Variants in CFAP100 observed in about 807,000 individuals in gnomAD.
The protein encoded by CFAP100 is cilia- and flagella-associated protein 100.
A neutral mutation model predicts 81.5 loss-of-function variants in CFAP100; 70 were observed. The ratio of observed to expected loss-of-function variants is 0.86; its 90% CI spans 0.71 to 1.05. The LOEUF is 1.05. CFAP100 is among the 50% of genes least tolerant of loss of function. The probability of loss-of-function intolerance (pLI) is 0.00; values close to 1 mark genes in which losing one functional copy is unlikely to be tolerated. For missense variants in CFAP100, 811 were observed against 776.5 expected (o/e 1.04, Z -0.53); for synonymous variants, 341 against 314.8 (o/e 1.08, Z -0.88).
chr3:126,426,014 T>C (rs2083398064), intron 13 of CFAP100, among the ~76,000 whole-genome samples: 1 of 151,770 alleles, frequency 6.6e-6, no homozygotes, highest in African/African-American at 2.4e-5. Context: ...GGCAAAGAGG[T>C]CTTCTCTCAC....
At chr3:126,436,221 C>A in intron 16 of CFAP100, 70 bp from the exon 17 acceptor site, 2 of 1,256,772 alleles carry the variant, frequency 1.6e-6, no homozygotes, top group Non-Finnish European at 2.3e-6. Context: ...TCTCCCTGCA[C>A]CAGGGGCAGG....
chr3:126,433,276 T>A, intron 14 of CFAP100, 72 bp downstream of exon 14: 3 of 1,560,088 alleles, frequency 1.9e-6, no homozygotes, highest in Admixed American at 3.5e-5. Context: ...GGAGGAGCCC[T>A]GACAGCCCTT....
intron 13 of CFAP100, among the ~76,000 whole-genome samples, chr3:126,426,454 T>TAA (rs67227509): frequency 0.23 from 30,299 of 132,608 alleles, 3,430 homozygotes; most frequent in East Asian, 0.36. Flanking sequence ...GACCCTGTCT[T>TAA]AAAAAAAAAA....
intron 14 of CFAP100, 55 bp from the exon 15 acceptor site, chr3:126,434,121 C>A: frequency 6.6e-7 from 1 of 1,521,146 alleles, no homozygotes; most frequent in South Asian, 1.2e-5. Flanking sequence ...AAGGCACTGG[C>A]ATGGGGGTGG....
At chr3:126,410,823 C>T (rs764935289) in intron 3 of CFAP100, among the ~76,000 whole-genome samples, 1 of 152,220 alleles carries the variant, frequency 6.6e-6, no homozygotes, top group Admixed American at 6.5e-5. Flanking sequence ...TTGTAGATAT[C>T]TGTATTTATT....
At chr3:126,427,319 A>T (rs1932990667) in intron 13 of CFAP100, among the ~76,000 whole-genome samples, 1 of 152,194 alleles carries the variant, frequency 6.6e-6, no homozygotes, top group Admixed American at 6.5e-5. Context: ...AGATAATTGG[A>T]ATAGAATAGA....
intron 4 of CFAP100, among the ~76,000 whole-genome samples, chr3:126,414,795 C>A (rs1386314858): frequency 1.3e-5 from 2 of 152,240 alleles, no homozygotes; most frequent in Non-Finnish European, 2.9e-5. Flanking sequence ...GCCTTGGGCA[C>A]CCAGCCCTGC....
At chr3:126,400,668 C>T (rs145168815) in intron 2 of CFAP100, among the ~76,000 whole-genome samples, 5,519 of 152,122 alleles carry the variant, frequency 0.036, 158 homozygotes, top group Non-Finnish European at 0.054. Context: ...AGGAGAATGG[C>T]GTGAACCCGG....
chr3:126,411,546 CT>C (rs940413751), intron 3 of CFAP100, among the ~76,000 whole-genome samples: 15 of 148,750 alleles, frequency 1.0e-4, no homozygotes, highest in African/African-American at 2.2e-4. Flanking sequence ...TGCTTTTGGG[CT>C]TTTTTTTTGT....
chr3:126,418,850 A>G, intron 7 of CFAP100, 76 bp downstream of exon 7: 1 of 1,466,834 alleles, frequency 6.8e-7, no homozygotes, highest in Non-Finnish European at 9.1e-7. Context: ...ACACCCACTT[A>G]TCCAGCCTCT....
chr3:126,396,147 T>C, intron 2 of CFAP100, 98 bp downstream of exon 2: 2 of 902,408 alleles, frequency 2.2e-6, no homozygotes, highest in East Asian at 2.4e-5. Context: ...AACCAAACAC[T>C]AGGCAGGAGT....
intron 13 of CFAP100, among the ~76,000 whole-genome samples, chr3:126,430,053 A>G (rs548042989): frequency 1.4e-4 from 22 of 152,322 alleles, no homozygotes; most frequent in African/African-American, 4.1e-4. Context: ...GTTGTTGTAC[A>G]TGATAAGTCA....
At position 126,416,472 on chromosome 3, in the gene CFAP100, C is replaced by A. The variant is rs769909398; in HGVS notation, c.382C>A (p.Arg128Ser). ...CGAGGCCGAGCATCAGCGCGCCTTC[C>A]GCGACTACACGACCTGGAAGCTCAC... ...RAEAEHQRAF[R>S]DYTTWKLTLT... is the part of the protein sequence containing the mutation. The change falls in exon 5 of 17, where the codon CGC becomes AGC. Residue 128 changes from arginine (R) to serine (S), a missense_variant. Physicochemically the swap from Arg to Ser is moderately radical, Grantham distance 110 (BLOSUM62 -1). Coordinates refer to ENST00000352312, the MANE Select transcript of CFAP100 (RefSeq NM_182628.3). The A allele has an allele frequency of 3.7e-6, 6 of 1,605,156 alleles. No individual in the cohort carries two copies. Among genetic ancestry groups the A allele is most frequent in the South Asian group, 1.1e-5 (1 of 90,182 alleles).
intron 5 of CFAP100, chr3:126,417,969 G>A (rs138541960): frequency 2.5e-5 from 4 of 158,138 alleles, no homozygotes; most frequent in Non-Finnish European, 4.2e-5. Context: ...TTGTCCAGAC[G>A]TCCACCTCGA....
intron 11 of CFAP100, among the ~76,000 whole-genome samples, chr3:126,421,493 G>A (rs544290776): frequency 1.1e-3 from 169 of 152,318 alleles, no homozygotes; most frequent in African/African-American, 3.7e-3. Context: ...TATCGGCTTG[G>A]ATAAGGGTGG....
Position 126,434,248 on chromosome 3 carries a change from G to A in CFAP100, c.1495G>A (p.Ala499Thr), listed in dbSNP as rs1482904712. Reference protein sequence around the residue: ...YRHCTGTQQEANLGTVQMLTI... With the variant: ...YRHCTGTQQETNLGTVQMLTI... Reference sequence around the variant, plus strand: ...GCACTGCACCGGCACCCAGCAGGAGGCCAACCTGGGCACCGTGCAGATGCT... The same window carrying A: ...GCACTGCACCGGCACCCAGCAGGAGACCAACCTGGGCACCGTGCAGATGCT... The change falls in exon 15 of 17, where the codon GCC (alanine) becomes ACC (threonine). Residue 499 changes from alanine to threonine, a missense_variant. Transcript: ENST00000352312. 6.2e-7 allele frequency: 1 copy of A among 1,614,012 alleles called. No homozygotes were observed. The highest frequency in any genetic ancestry group is 1.1e-5 in the South Asian group (1 of 91,084).
intron 3 of CFAP100, among the ~76,000 whole-genome samples, chr3:126,409,119 T>A (rs924117194): frequency 2.6e-5 from 4 of 152,160 alleles, no homozygotes; most frequent in Admixed American, 6.5e-5. Flanking sequence ...ATGTGTACAA[T>A]GTGTTTCCTC....
At chr3:126,401,507 C>G (rs1438727368) in intron 2 of CFAP100, among the ~76,000 whole-genome samples, 1 of 142,116 alleles carries the variant, frequency 7.0e-6, no homozygotes, top group Non-Finnish European at 1.5e-5. Context: ...AAGTAAACAA[C>G]TAAATAGACA....
chr3:126,436,228 C>T, intron 16 of CFAP100, 63 bp from the exon 17 acceptor site: 2 of 1,307,290 alleles, frequency 1.5e-6, no homozygotes, highest in South Asian at 2.5e-5. Flanking sequence ...GCACCAGGGG[C>T]AGGGGTATAT....
Sources: allele counts gnomAD v4.1 joint callset (sites outside exome capture counted in the v4.1 genomes callset), GRCh38; gene constraint gnomAD v4.1.1; transcripts MANE v1.5; gene names NCBI Gene and HGNC (gene_info 2026-07-23, HGNC 2026-07-21).